PPP1R1B: variants seen among roughly 807,000 people sequenced by gnomAD.
PPP1R1B encodes protein phosphatase 1 regulatory subunit 1B.
In PPP1R1B, 13 loss-of-function variants were observed where a neutral mutation model predicts 28.2. The ratio of observed to expected loss-of-function variants is 0.46; its 90% CI spans 0.30 to 0.73. The LOEUF is 0.73. Among genes scored for constraint, PPP1R1B ranks in the 30% least tolerant of loss-of-function variants. PPP1R1B has a pLI of 0.07. For missense variants in PPP1R1B, 236 were observed against 256.7 expected, an observed-to-expected ratio of 0.92 and a Z score of 0.55; for synonymous variants, 102 against 97.5, an observed-to-expected ratio of 1.05 and a Z score of -0.27.
chr17:39,634,616 A>G (rs1033339650), intron 5 of PPP1R1B, among the ~76,000 whole-genome samples: 2 of 152,218 alleles, frequency 1.3e-5, no homozygotes, highest in African/African-American at 4.8e-5. Context: ...AGAATTTAAA[A>G]TTCAAGAACC....
Position 39,627,450 on chromosome 17 carries a change from C to T in PPP1R1B, c.58C>T (p.Leu20Phe). ...QFSVPAPPSQ[L>F]DPRQVEMIRR... is the part of the protein sequence containing the mutation. ...CTCGGTGCCCGCGCCCCCTAGCCAG[C>T]TCGACCCCCGCCAGGTGGAGATGGT... The change falls in exon 1 of 7, where the codon CTC becomes TTC. Residue 20 changes from leucine to phenylalanine, a missense_variant. Coordinates refer to ENST00000254079, the MANE Select transcript of PPP1R1B (RefSeq NM_032192.4). 1 of 1,597,938 alleles carries T rather than the reference C, an allele frequency of 6.3e-7. No homozygotes were observed. Among genetic ancestry groups the T allele is most frequent in the Middle Eastern group, 1.7e-4 (1 of 6,002 alleles).
intron 4 of PPP1R1B, among the ~76,000 whole-genome samples, chr17:39,631,524 G>A (rs572352264): frequency 4.3e-4 from 65 of 152,180 alleles, no homozygotes; most frequent in Non-Finnish European, 7.5e-4. Context: ...ACTCCTGCCT[G>A]GGGCTCTTCC....
intron 4 of PPP1R1B, among the ~76,000 whole-genome samples, chr17:39,631,954 C>A (rs527759568): frequency 6.6e-6 from 1 of 152,252 alleles, no homozygotes; most frequent in Non-Finnish European, 1.5e-5. Context: ...GAGGGGAAGA[C>A]CTGGCTCTTG....
Position 39,636,175 on chromosome 17 carries a change from C to G in PPP1R1B, c.*310C>G. 2.4e-6 allele frequency: 1 copy of G among 414,364 alleles called. No individual in the cohort carries two copies. The highest frequency in any genetic ancestry group is 2.5e-5 in the South Asian group (1 of 39,354). 25.7% of individuals were successfully genotyped at this position (414,364 alleles called of 1,614,324 possible). On this transcript the variant is annotated 3_prime_UTR_variant, in exon 7 of 7. Coordinates refer to ENST00000254079, the MANE Select transcript of PPP1R1B (RefSeq NM_032192.4). ...ACCGGGAACAGGGATTTGCCCTTCA[C>G]AATTCTACTCCCCAGATCCTCTCCC...
chr17:39,627,928 G>C (rs1241071385), intron 1 of PPP1R1B, among the ~76,000 whole-genome samples: 1 of 152,140 alleles, frequency 6.6e-6, no homozygotes, highest in African/African-American at 2.4e-5. Flanking sequence ...GCCACCGGGT[G>C]AATCCACTAC....
intron 2 of PPP1R1B, 119 bp downstream of exon 2, chr17:39,629,349 C>A: frequency 2.3e-6 from 3 of 1,296,996 alleles, no homozygotes; most frequent in Non-Finnish European, 3.3e-6. Flanking sequence ...TGGATAAGGT[C>A]TGGGAACCCA....
intron 1 of PPP1R1B, chr17:39,628,443 G>C: frequency 1.9e-5 from 17 of 916,866 alleles, no homozygotes; most frequent in Non-Finnish European, 2.2e-5. Flanking sequence ...CTGAGGGGCG[G>C]GGCGGGGAGG....
chr17:39,633,535 G>A (rs928267018), intron 4 of PPP1R1B: 9 of 264,278 alleles, frequency 3.4e-5, no homozygotes, highest in Admixed American at 2.8e-4. Flanking sequence ...CTCCCGTACT[G>A]GGTACTTGGA....
intron 6 of PPP1R1B, 37 bp downstream of exon 6, chr17:39,635,763 G>A: frequency 2.5e-6 from 4 of 1,612,452 alleles, no homozygotes; most frequent in Non-Finnish European, 3.4e-6. Flanking sequence ...AGGAGGGGCT[G>A]GGATCTTGGT....
rs749759143 is a variant in PPP1R1B at position 39,629,962 on chromosome 17, C to A, written c.166-10C>A. On this transcript the variant is annotated splice_polypyrimidine_tract_variant and intron_variant, in intron 3 of 6. Transcript: ENST00000254079. ...GCTGAGCCCCTTTAACCTGGCACTT[C>A]CCCTGGCAGAGAGCCTCAGGAGAGG... is the stretch of plus-strand genomic sequence containing the variant. 3.7e-6 allele frequency: 6 copies of A among 1,613,954 alleles called. No homozygotes were observed. The South Asian group carries it at 6.6e-5, about 18-fold the overall frequency.
Position 39,636,022 on chromosome 17 carries a change from T to G in PPP1R1B, c.*157T>G, listed in dbSNP as rs1206398818. 3.1e-5 allele frequency: 26 copies of G among 847,426 alleles called. No homozygotes were observed. The highest frequency in any genetic ancestry group is 4.7e-5 in the Non-Finnish European group (26 of 558,140). The allele number at this position is 847,426 out of a possible 1,614,324, so 52.5% of individuals were successfully genotyped here. On this transcript the variant is annotated 3_prime_UTR_variant, in exon 7 of 7. Transcript: ENST00000254079. ...TAAGGCTGGTCTGTGTTTGCTTGTT[T>G]GCCCACCTTTGGCTGATACCCAGAG...
intron 1 of PPP1R1B, among the ~76,000 whole-genome samples, chr17:39,628,940 G>A (rs1413720650): frequency 1.3e-5 from 2 of 152,188 alleles, no homozygotes; most frequent in Admixed American, 6.5e-5. Context: ...CTCGTCCTTT[G>A]GACTTGTTGT....
chr17:39,630,807 C>T (rs1299109958), intron 4 of PPP1R1B, among the ~76,000 whole-genome samples: 3 of 152,214 alleles, frequency 2.0e-5, no homozygotes, highest in Middle Eastern at 3.2e-3. Context: ...CAGTGACTCA[C>T]GCCTGTAATC....
chr17:39,635,535 T>A, intron 5 of PPP1R1B, 72 bp from the exon 6 acceptor site: 1 of 1,555,940 alleles, frequency 6.4e-7, no homozygotes. Flanking sequence ...CATCAGACAC[T>A]TAGCTCACAC....
chr17:39,631,706 A>G (rs185200548), intron 4 of PPP1R1B, among the ~76,000 whole-genome samples: 1 of 152,006 alleles, frequency 6.6e-6, no homozygotes, highest in Non-Finnish European at 1.5e-5. Flanking sequence ...AGAGGCTGGG[A>G]AGGGAGGAGA....
Position 39,627,307 on chromosome 17 carries a change from C to A in PPP1R1B, c.-86C>A. Reference sequence around the variant, plus strand: ...CCTCCTCCTCCTCTCGCCGCACAGCCCGCCGCCTGCGCGGGGGAGCCCAGC... The same window carrying A: ...CCTCCTCCTCCTCTCGCCGCACAGCACGCCGCCTGCGCGGGGGAGCCCAGC... On this transcript the variant is annotated 5_prime_UTR_variant, in exon 1 of 7. Coordinates refer to ENST00000254079, the MANE Select transcript of PPP1R1B (RefSeq NM_032192.4). 2.2e-6 allele frequency: 2 copies of A among 913,576 alleles called. No individual in the cohort carries two copies. The highest frequency in any genetic ancestry group is 3.2e-6 in the Non-Finnish European group (2 of 625,818). The allele number at this position is 913,576 out of a possible 1,614,324, so 56.6% of individuals were successfully genotyped here.
chr17:39,634,085 T>C lies in PPP1R1B; in HGVS notation c.444T>C (p.Ser148=). Residue 148 remains serine (S), a splice_region_variant and synonymous_variant, in exon 5 of 7, where the codon TCT becomes TCC. Coordinates refer to ENST00000254079, the MANE Select transcript of PPP1R1B (RefSeq NM_032192.4). ...AAGTCCTGAAGGTCATCAGGCAGTC[T>C]GGTAAGCTGAGGGGCCTGTGACATG... The part of the protein sequence containing the change: ...QAEVLKVIRQ[S]AGQKTTCGQG... The C allele has an allele frequency of 6.2e-7, 1 of 1,613,716 alleles. No individual in the cohort carries two copies. Among genetic ancestry groups the C allele is most frequent in the African/African-American group, 1.3e-5 (1 of 75,058 alleles).
intron 4 of PPP1R1B, 68 bp from the exon 5 acceptor site, chr17:39,633,815 C>G: frequency 6.3e-7 from 1 of 1,597,544 alleles, no homozygotes; most frequent in Non-Finnish European, 8.5e-7. Flanking sequence ...GGCTAGGCCA[C>G]AGGCTATCTC....
chr17:39,633,025 C>A (rs1011595017), intron 4 of PPP1R1B: 6 of 153,088 alleles, frequency 3.9e-5, no homozygotes, highest in Non-Finnish European at 8.7e-5. Context: ...GCCCCTCAAC[C>A]TCTGCCATCC....
Sources: allele counts gnomAD v4.1 joint callset (sites outside exome capture counted in the v4.1 genomes callset), GRCh38; gene constraint gnomAD v4.1.1; transcripts MANE v1.5; gene names NCBI Gene and HGNC (gene_info 2026-07-23, HGNC 2026-07-21).